GRIK1: variants seen among roughly 807,000 people sequenced by gnomAD.
GRIK1 encodes the protein glutamate receptor ionotropic, kainate 1.
In GRIK1, 69 loss-of-function variants were observed where a neutral mutation model predicts 105.7. The observed-to-expected ratio is 0.65, with a 90% CI of 0.54 to 0.80. The LOEUF (loss-of-function observed/expected upper bound fraction) is 0.80. Among genes scored for constraint, GRIK1 ranks in the 30% least tolerant of loss-of-function variants. The pLI is 0.00. For synonymous variants in GRIK1, 438 were observed against 431.3 expected (o/e 1.02, Z -0.19); for missense variants, 1,109 against 1,167.3 (o/e 0.95, Z 0.73).
chr21:29,689,830 T>C lies in GRIK1; in HGVS notation c.442A>G (p.Ile148Val). Residue 148 changes from isoleucine to valine, a missense_variant, in exon 3 of 18, where the codon ATC becomes GTC. This residue lies in a region of GRIK1 where 612 missense variants were observed against 586.0 expected (regional missense o/e 1.04). Coordinates refer to ENST00000327783, the MANE Select transcript of GRIK1 (RefSeq NM_001330994.2). The part of the protein sequence containing the change: ...PSVDNKDLFY[I>V]NLYPDYAAIS... Reference sequence around the variant, plus strand: ...GCTGCATAATCTGGGTAAAGGTTGATGTAAAACAAATCTTTGTTGTCCACC... The same window carrying C: ...GCTGCATAATCTGGGTAAAGGTTGACGTAAAACAAATCTTTGTTGTCCACC... The C allele has an allele frequency of 1.2e-6, 2 of 1,614,062 alleles. No homozygotes were observed. Among genetic ancestry groups the C allele is most frequent in the Non-Finnish European group, 1.7e-6 (2 of 1,179,948 alleles).
chr21:29,740,313 G>T (rs1397190564), intron 1 of GRIK1, among the ~76,000 whole-genome samples: 1 of 151,892 alleles, frequency 6.6e-6, no homozygotes, highest in Non-Finnish European at 1.5e-5. Flanking sequence ...TGCCTCCAGG[G>T]TTCAAGCGAT....
chr21:29,537,301 C>G lies in GRIK1; in HGVS notation c.2779G>C (p.Gly927Arg). The part of the protein sequence containing the change: ...KKIKKKSRTK[G>R]KSSFTSILTC... The stretch of plus-strand genomic sequence containing the variant: ...AGGATACTTGTGAAGGAAGATTTCC[C>G]CTTAGTTCTTGACTTTTTCTTTATT... Residue 927 changes from glycine (G) to arginine (R), a missense_variant, in exon 18 of 18, where the codon GGG becomes CGG. This residue lies in a region of GRIK1 where 161 missense variants were observed against 143.4 expected (regional missense o/e 1.12). Coordinates refer to ENST00000327783, the MANE Select transcript of GRIK1 (RefSeq NM_001330994.2). 1 of 1,610,574 alleles carries G rather than the reference C, an allele frequency of 6.2e-7. No individual in the cohort carries two copies.
chr21:29,566,953 C>T (rs568649071), intron 14 of GRIK1, among the ~76,000 whole-genome samples: 1 of 152,302 alleles, frequency 6.6e-6, no homozygotes, highest in Non-Finnish European at 1.5e-5. Flanking sequence ...AATGTTTCCA[C>T]AGAATTAACA....
At chr21:29,579,797 C>T (rs2090974673) in intron 13 of GRIK1, among the ~76,000 whole-genome samples, 1 of 151,988 alleles carries the variant, frequency 6.6e-6, no homozygotes, top group Non-Finnish European at 1.5e-5. Context: ...ACAGACACTG[C>T]ATCCCACAGT....
At chr21:29,633,279 T>A (rs2146491988) in intron 7 of GRIK1, among the ~76,000 whole-genome samples, 1 of 152,194 alleles carries the variant, frequency 6.6e-6, no homozygotes, top group Middle Eastern at 3.4e-3. Flanking sequence ...GGTGGGCAGA[T>A]CATGAAGTCA....
In GRIK1 at chr21:29,888,173, C is replaced by CTTTA. The variant is rs2069716885; in HGVS notation, c.118+51209_118+51210insTAAA. Among the ~76,000 whole-genome samples the CTTTA allele has an allele frequency of 3.7e-4, 3 of 8,020 alleles. 1 individual carries two copies. The highest frequency in any genetic ancestry group is 1.4e-3 in the Non-Finnish European group (3 of 2,170). The allele number at this position is 8,020 out of a possible 152,430, so 5.3% of individuals were successfully genotyped here. On this transcript the variant is annotated intron_variant, in intron 1 of 17. Transcript: ENST00000327783. ...TCCCTCCTTTCTTTTTTCTTTCTTT[C>CTTTA]TTTCTTTCTTCCTTTCTTTCTTTCT...
chr21:29,792,085 A>T (rs966445890), intron 1 of GRIK1, among the ~76,000 whole-genome samples: 3 of 152,198 alleles, frequency 2.0e-5, no homozygotes, highest in Non-Finnish European at 4.4e-5. Context: ...TGTAAATTGG[A>T]AACTGACTGT....
At chr21:29,724,658 T>G (rs1484642545) in intron 1 of GRIK1, among the ~76,000 whole-genome samples, 1 of 152,182 alleles carries the variant, frequency 6.6e-6, no homozygotes, top group Admixed American at 6.5e-5. Flanking sequence ...CAGCAATGAT[T>G]TAAAGATACT....
rs145617901 is a variant in GRIK1, at chr21:29,894,829, A to T, written c.118+44554T>A. On this transcript the variant is annotated intron_variant, in intron 1 of 17. Transcript: ENST00000327783. ...GATCCACTTCTGTTTGAGTATATGG[A>T]TACTGCAACATATTCACCTGTTTAA... Among the ~76,000 whole-genome samples, 12 of 152,192 alleles carry T rather than the reference A, an allele frequency of 7.9e-5. No homozygotes were observed. In the East Asian group the frequency reaches 2.3e-3, roughly 29 times the overall value.
At chr21:29,801,549 A>AT (rs1247702018) in intron 1 of GRIK1, among the ~76,000 whole-genome samples, 1 of 152,090 alleles carries the variant, frequency 6.6e-6, no homozygotes, top group Admixed American at 6.5e-5. Flanking sequence ...AACTGGAACT[A>AT]TTTTCAGTAA....
chr21:29,876,671 T>C (rs1253625486), intron 1 of GRIK1, among the ~76,000 whole-genome samples: 1 of 152,238 alleles, frequency 6.6e-6, no homozygotes, highest in African/African-American at 2.4e-5. Context: ...TTAGGCAGTT[T>C]CATCTAATAT....
chr21:29,771,193 T>C (rs2065803934), intron 1 of GRIK1, among the ~76,000 whole-genome samples: 1 of 152,192 alleles, frequency 6.6e-6, no homozygotes, highest in Non-Finnish European at 1.5e-5. Flanking sequence ...TGAAAAACCA[T>C]GTCAACATTT....
At chr21:29,573,139 G>A (rs2090795522) in intron 14 of GRIK1, among the ~76,000 whole-genome samples, 1 of 152,108 alleles carries the variant, frequency 6.6e-6, no homozygotes, top group Non-Finnish European at 1.5e-5. Flanking sequence ...AGGGCGTACT[G>A]CTATTTTTAT....
At chr21:29,682,133 A>C (rs2063392906) in intron 3 of GRIK1, among the ~76,000 whole-genome samples, 1 of 152,220 alleles carries the variant, frequency 6.6e-6, no homozygotes. Context: ...TTAAAAGTTC[A>C]TTCTTTCAGT....
chr21:29,839,040 A>ATTTC (rs1555896813), intron 1 of GRIK1, among the ~76,000 whole-genome samples: 1 of 150,512 alleles, frequency 6.6e-6, no homozygotes, highest in Non-Finnish European at 1.5e-5. Context: ...TACTATAGGG[A>ATTTC]TTTCTTTTCT....
At position 29,936,268 on chromosome 21, in the gene GRIK1, ATCTG is replaced by A. The variant is rs1442326366; in HGVS notation, c.118+3111_118+3114del. 3.3e-5 allele frequency among the ~76,000 whole-genome samples: 5 copies of A among 152,222 alleles called. No individual in the cohort carries two copies. The East Asian group carries it at 9.6e-4, about 29-fold the overall frequency. ...TTGAGATGATGCACACAAATATATT[ATCTG>A]TCTTTCTGCAATCCTTATTATAAAT... On this transcript the variant is annotated intron_variant, in intron 1 of 17. Coordinates refer to ENST00000327783, the MANE Select transcript of GRIK1 (RefSeq NM_001330994.2).
At chr21:29,696,140 T>C (rs1224096486) in intron 1 of GRIK1, among the ~76,000 whole-genome samples, 2 of 152,174 alleles carry the variant, frequency 1.3e-5, no homozygotes, top group Admixed American at 6.5e-5. Flanking sequence ...GCTAAGATGG[T>C]TTATAGTGAA....
At chr21:29,706,781 T>C (rs1212297933) in intron 1 of GRIK1, among the ~76,000 whole-genome samples, 2 of 152,182 alleles carry the variant, frequency 1.3e-5, no homozygotes, top group Admixed American at 6.5e-5. Flanking sequence ...ATTTTTAAAG[T>C]AGTAACATCT....
chr21:29,885,344 C>T (rs1168108755), intron 1 of GRIK1, among the ~76,000 whole-genome samples: 1 of 151,980 alleles, frequency 6.6e-6, no homozygotes, highest in African/African-American at 2.4e-5. Context: ...TCTTCTCATA[C>T]CACAACCCTG....
Sources: allele counts gnomAD v4.1 joint callset (sites outside exome capture counted in the v4.1 genomes callset), GRCh38; gene constraint gnomAD v4.1.1; regional missense constraint gnomAD v4.1.1; transcripts MANE v1.5; gene names NCBI Gene and HGNC (gene_info 2026-07-23, HGNC 2026-07-21).